FAM13A: variants seen among roughly 807,000 people sequenced by gnomAD.
FAM13A encodes the protein family with sequence similarity 13 member A, also known as protein FAM13A.
FAM13A carries 76 observed loss-of-function variants against 129.6 expected under a neutral mutation model. The ratio of observed to expected loss-of-function variants is 0.59; its 90% confidence interval spans 0.49 to 0.71. The LOEUF (loss-of-function observed/expected upper bound fraction) is 0.71, where lower values mean the gene tolerates loss of function less well. Ranked by LOEUF, FAM13A falls within the 30% of genes least tolerant of loss-of-function variation. FAM13A has a pLI of 0.00. For missense variants in FAM13A, 1,108 were observed against 1,249.3 expected, an observed-to-expected ratio of 0.89 and a Z score of 1.70; for synonymous variants, 443 against 449.9, an observed-to-expected ratio of 0.98 and a Z score of 0.20.
intron 5 of FAM13A, among the ~76,000 whole-genome samples, chr4:88,917,166 A>C (rs763099322): frequency 6.6e-6 from 1 of 152,200 alleles, no homozygotes; most frequent in Non-Finnish European, 1.5e-5. Flanking sequence ...ATAAAGAAAA[A>C]AGATTTATTT....
At chr4:88,945,990 G>GTGTGTGTGTGTGTATATATGTA in intron 4 of FAM13A, among the ~76,000 whole-genome samples, 1 of 61,962 alleles carries the variant, frequency 1.6e-5, no homozygotes, top group Non-Finnish European at 2.9e-5. Context: ...GTGTGTGTGT[G>GTGTGTGTGTGTGTATATATGTA]TATATATATA....
intron 4 of FAM13A, among the ~76,000 whole-genome samples, chr4:88,952,392 C>T (rs368001186): frequency 9.9e-5 from 15 of 151,878 alleles, no homozygotes; most frequent in East Asian, 5.8e-4. Flanking sequence ...TGCATAATGG[C>T]GGCTATCAAA....
At chr4:88,817,264 TA>T (rs1421370329) in intron 7 of FAM13A, among the ~76,000 whole-genome samples, 1 of 152,168 alleles carries the variant, frequency 6.6e-6, no homozygotes, top group Non-Finnish European at 1.5e-5. Context: ...ATAAAGCTGT[TA>T]AAAAATTATT....
At chr4:88,889,543 T>G (rs145457434) in intron 6 of FAM13A, among the ~76,000 whole-genome samples, 1 of 152,320 alleles carries the variant, frequency 6.6e-6, no homozygotes, top group African/African-American at 2.4e-5. Flanking sequence ...AATAATACTA[T>G]GTATTCATCA....
At chr4:88,990,701 C>T in intron 4 of FAM13A, 2 of 309,186 alleles carry the variant, frequency 6.5e-6, no homozygotes, top group Non-Finnish European at 1.2e-5. Flanking sequence ...TTTTTAAATG[C>T]CCCTTTTAAT....
intron 1 of FAM13A, among the ~76,000 whole-genome samples, chr4:89,031,011 T>A (rs1378518154): frequency 4.6e-5 from 7 of 152,140 alleles, no homozygotes; most frequent in Admixed American, 4.6e-4. Flanking sequence ...ACAATACAGA[T>A]TTAGTATCTA....
chr4:89,032,744 C>T (rs1579859562), intron 1 of FAM13A, among the ~76,000 whole-genome samples: 1 of 152,120 alleles, frequency 6.6e-6, no homozygotes, highest in African/African-American at 2.4e-5. Context: ...ATAACAAATC[C>T]AGACTGTGTT....
chr4:89,054,749 C>T (rs554222652), intron 1 of FAM13A, among the ~76,000 whole-genome samples: 1 of 152,312 alleles, frequency 6.6e-6, no homozygotes, highest in South Asian at 2.1e-4. Context: ...TCCACACTGA[C>T]TTTTCATCTA....
intron 1 of FAM13A, among the ~76,000 whole-genome samples, chr4:89,045,950 G>T (rs1263453743): frequency 2.0e-5 from 3 of 151,518 alleles, no homozygotes; most frequent in Non-Finnish European, 4.4e-5. Flanking sequence ...CTTGAACCTG[G>T]GAGGCGGAGG....
intron 1 of FAM13A, among the ~76,000 whole-genome samples, chr4:89,055,251 GCTAT>G (rs1772076583): frequency 2.0e-5 from 3 of 152,000 alleles, no homozygotes; most frequent in Admixed American, 2.0e-4. Context: ...TTCTCCAAAA[GCTAT>G]CTTTTTCCAG....
At chr4:88,957,016 A>G (rs1206291563) in intron 4 of FAM13A, among the ~76,000 whole-genome samples, 1 of 152,184 alleles carries the variant, frequency 6.6e-6, no homozygotes, top group African/African-American at 2.4e-5. Flanking sequence ...CTGAGTTCAC[A>G]TGAAATCTAG....
chr4:88,987,327 TAG>T (rs1491174258), intron 4 of FAM13A, among the ~76,000 whole-genome samples: 1 of 152,150 alleles, frequency 6.6e-6, no homozygotes, highest in East Asian at 1.9e-4. Flanking sequence ...ATCAAACTGA[TAG>T]TGAATAGGGA....
chr4:88,796,072 AG>A (rs377095842), intron 8 of FAM13A, among the ~76,000 whole-genome samples: 7 of 151,788 alleles, frequency 4.6e-5, no homozygotes, highest in African/African-American at 1.7e-4. Flanking sequence ...TAGGTTTCAA[AG>A]AGGTTGCTTT....
At chr4:88,886,329 C>G (rs1247635800) in intron 6 of FAM13A, among the ~76,000 whole-genome samples, 2 of 152,200 alleles carry the variant, frequency 1.3e-5, no homozygotes, top group Admixed American at 6.5e-5. Flanking sequence ...TGGCTCACAC[C>G]TGTAATCCCA....
At chr4:88,789,930 A>T (rs2149671648) in intron 9 of FAM13A, among the ~76,000 whole-genome samples, 1 of 152,242 alleles carries the variant, frequency 6.6e-6, no homozygotes, top group East Asian at 1.9e-4. Flanking sequence ...TGTAATGAGC[A>T]ATATGGTCAG....
intron 7 of FAM13A, among the ~76,000 whole-genome samples, chr4:88,805,782 C>A (rs183225204): frequency 6.6e-6 from 1 of 151,990 alleles, no homozygotes; most frequent in South Asian, 2.1e-4. Context: ...GATCCTCCCA[C>A]GTCAGCCTCT....
chr4:88,767,763 G>C (rs1052270983), intron 12 of FAM13A, among the ~76,000 whole-genome samples, 168 bp from the exon 13 acceptor site: 2 of 151,890 alleles, frequency 1.3e-5, no homozygotes, highest in Non-Finnish European at 2.9e-5. Context: ...TCAAAACAAA[G>C]CAAACTGGAA....
rs1435787152 is a variant in FAM13A at position 88,914,492 on chromosome 4, T to A, written c.760-8030A>T. 2.0e-5 allele frequency among the ~76,000 whole-genome samples: 3 copies of A among 152,318 alleles called. No homozygotes were observed. In the East Asian group the frequency reaches 5.8e-4, roughly 29 times the overall value. ...CAAATACCCCAAGTCCCTTCCTGCC[T>A]TCCAGCATTTGCCCTTCTTATTCCT... On this transcript the variant is annotated intron_variant, in intron 5 of 23. Transcript: ENST00000264344.
chr4:88,918,458 C>T (rs1237232298), intron 5 of FAM13A, among the ~76,000 whole-genome samples: 1 of 152,152 alleles, frequency 6.6e-6, no homozygotes, highest in Non-Finnish European at 1.5e-5. Flanking sequence ...TAAGTGGCAA[C>T]ACTGGAATTT....
Sources: allele counts gnomAD v4.1 joint callset (sites outside exome capture counted in the v4.1 genomes callset), GRCh38; gene constraint gnomAD v4.1.1; transcripts MANE v1.5; gene names NCBI Gene and HGNC (gene_info 2026-07-23, HGNC 2026-07-21).